The following RPL7L1 variants were observed in gnomAD, a reference collection of about 807,000 sequenced individuals.
RPL7L1 encodes ribosomal protein uL30-like.
Under a neutral mutation model 30.3 loss-of-function variants are expected in RPL7L1, and 20 were observed. The ratio of observed to expected loss-of-function variants is 0.66; its 90% CI spans 0.46 to 0.96. RPL7L1 has a LOEUF of 0.96. Ranked by LOEUF, RPL7L1 falls within the 40% of genes least tolerant of loss-of-function variation. The probability of loss-of-function intolerance (pLI) is 0.00; values close to 1 mark genes in which losing one functional copy is unlikely to be tolerated. For synonymous variants in RPL7L1, 107 were observed against 110.1 expected, an observed-to-expected ratio of 0.97 and a Z score of 0.18; for missense variants, 271 against 314.9, an observed-to-expected ratio of 0.86 and a Z score of 1.05.
chr6:42,885,943 G>A (rs753520976), intron 4 of RPL7L1, 31 bp from the exon 5 acceptor site: 11 of 1,246,896 alleles, frequency 8.8e-6, no homozygotes, highest in Admixed American at 3.4e-5. Context: ...GCCAGGTGCT[G>A]GTGAAAACCG....
In RPL7L1 at chr6:42,886,097, C is replaced by T. The variant is rs755144366; in HGVS notation, c.559+14C>T. 6.7e-7 allele frequency: 1 copy of T among 1,483,998 alleles called. No individual in the cohort carries two copies. The highest frequency in any genetic ancestry group is 1.7e-5 in the Admixed American group (1 of 59,802). 91.9% of individuals were successfully genotyped at this position (1,483,998 alleles called of 1,614,324 possible). Reference sequence around the variant, plus strand: ...AGGAGCACCTGGGTGAGTGCTACAGCTTAGGGATCAGCTGGGGCAGAAAGC... The same window carrying T: ...AGGAGCACCTGGGTGAGTGCTACAGTTTAGGGATCAGCTGGGGCAGAAAGC... On this transcript the variant is annotated intron_variant, in intron 5 of 5. Transcript: ENST00000493763.
rs1766221983 is a variant in RPL7L1 at position 42,885,324 on chromosome 6, T to G, written c.449+574T>G. ...GAGATTGTGCCACTGCAATCCACTC[T>G]GTCTCAAAAAAAAAAAAAAAGGCCA... On this transcript the variant is annotated intron_variant, in intron 4 of 5. Coordinates refer to ENST00000493763, the MANE Select transcript of RPL7L1 (RefSeq NM_001366481.3). Among the ~76,000 whole-genome samples, 3 of 92,826 alleles carry G rather than the reference T, an allele frequency of 3.2e-5. 1 individual carries two copies. The Admixed American group carries it at 3.9e-4, about 12-fold the overall frequency. The allele number at this position is 92,826 out of a possible 152,430, so 60.9% of individuals were successfully genotyped here. A position where few individuals can be genotyped will look rare whatever the true frequency, so the allele number is the denominator to read the frequency against.
In RPL7L1 at chr6:42,883,615, G is replaced by A; in HGVS notation, c.311+1G>A. On this transcript the variant is annotated splice_donor_variant, in intron 3 of 5. Coordinates refer to ENST00000493763, the MANE Select transcript of RPL7L1 (RefSeq NM_001366481.3). LOFTEE classifies it high-confidence loss of function. ...TGGCCTTTGTTGTACGCATCGAAAG[G>A]TAAGGAACTGGTGTCTTTCTAATTG... is the stretch of plus-strand genomic sequence containing the variant. 1 of 1,585,300 alleles carries A rather than the reference G, an allele frequency of 6.3e-7. No homozygotes were observed. The highest frequency in any genetic ancestry group is 8.6e-7 in the Non-Finnish European group (1 of 1,168,052).
intron 1 of RPL7L1, among the ~76,000 whole-genome samples, chr6:42,880,281 G>A (rs2114075130): frequency 6.6e-6 from 1 of 152,242 alleles, no homozygotes; most frequent in African/African-American, 2.4e-5. Flanking sequence ...TGCCTATGAA[G>A]AACTGTGGCC....
chr6:42,885,915 A>C (rs1766248100), intron 4 of RPL7L1, 59 bp from the exon 5 acceptor site: 1 of 899,238 alleles, frequency 1.1e-6, no homozygotes, highest in Admixed American at 1.7e-5. Flanking sequence ...GCCAGGCTGC[A>C]GGACTGGTAT....
chr6:42,885,191 A>C (rs571984780), intron 4 of RPL7L1, among the ~76,000 whole-genome samples: 1 of 151,970 alleles, frequency 6.6e-6, no homozygotes, highest in Non-Finnish European at 1.5e-5. Context: ...CTACTAAAAT[A>C]CAAAAAAAAT....
At chr6:42,884,996 G>A (rs1766209117) in intron 4 of RPL7L1, among the ~76,000 whole-genome samples, 1 of 152,184 alleles carries the variant, frequency 6.6e-6, no homozygotes, top group African/African-American at 2.4e-5. Flanking sequence ...CTTGGTTCTT[G>A]AAAGTCTTAA....
chr6:42,885,922 G>A, intron 4 of RPL7L1, 52 bp from the exon 5 acceptor site: 1 of 952,224 alleles, frequency 1.1e-6, no homozygotes, highest in East Asian at 2.4e-5. Flanking sequence ...TGCAGGACTG[G>A]TATGTAGTGT....
chr6:42,886,766 C>T lies in RPL7L1; in HGVS notation c.*302C>T, dbSNP rs1445472640. Reference sequence around the variant, plus strand: ...ATCCCAGCACTTTGGGAGGCCAAGGCGGGCAGACCATGAGGTCAGGAGATT... The same window carrying T: ...ATCCCAGCACTTTGGGAGGCCAAGGTGGGCAGACCATGAGGTCAGGAGATT... On this transcript the variant is annotated 3_prime_UTR_variant, in exon 6 of 6. Transcript: ENST00000493763. The T allele has an allele frequency of 2.4e-5, 7 of 287,500 alleles. No homozygotes were observed. Among genetic ancestry groups the T allele is most frequent in the Non-Finnish European group, 4.1e-5 (6 of 146,502 alleles). The allele number at this position is 287,500 out of a possible 1,614,324, so 17.8% of individuals were successfully genotyped here.
rs1178519506 is a variant in RPL7L1 at position 42,879,957 on chromosome 6, T to C, written c.41+6T>C. 4.3e-6 allele frequency: 7 copies of C among 1,613,760 alleles called. No individual in the cohort carries two copies. The highest frequency in any genetic ancestry group is 3.3e-5 in the Admixed American group (2 of 59,958). On this transcript the variant is annotated splice_donor_region_variant and intron_variant, in intron 1 of 5. Transcript: ENST00000493763. Reference sequence around the variant, plus strand: ...AGAAAGATGGCGGAGCAAGAGTGAGTGTTTGGGGCTTTGAATATCTGGAGT... The same window carrying C: ...AGAAAGATGGCGGAGCAAGAGTGAGCGTTTGGGGCTTTGAATATCTGGAGT...
At chr6:42,885,378 C>T (rs539235286) in intron 4 of RPL7L1, among the ~76,000 whole-genome samples, 26 of 147,638 alleles carry the variant, frequency 1.8e-4, no homozygotes, top group Non-Finnish European at 2.2e-4. Flanking sequence ...GTCGGGAGAT[C>T]GAGACCATCC....
chr6:42,885,161 A>T (rs2114085305), intron 4 of RPL7L1, among the ~76,000 whole-genome samples: 1 of 152,286 alleles, frequency 6.6e-6, no homozygotes, highest in East Asian at 1.9e-4. Context: ...ATCCTGGCCA[A>T]CATGGTGAAA....
intron 2 of RPL7L1, chr6:42,881,270 C>T (rs1382831489): frequency 5.5e-6 from 1 of 181,912 alleles, no homozygotes; most frequent in African/African-American, 2.4e-5. Flanking sequence ...TCGAGACCAT[C>T]CTGGCTAACA....
Position 42,879,693 on chromosome 6 carries a change from G to A in RPL7L1, c.-218G>A, listed in dbSNP as rs1765996150. Reference sequence around the variant, plus strand: ...CAGCCAGGCCGCTTGTGATGAAACTGTAACTTACAAGAAAAGGGCTGGGTT... The same window carrying A: ...CAGCCAGGCCGCTTGTGATGAAACTATAACTTACAAGAAAAGGGCTGGGTT... On this transcript the variant is annotated 5_prime_UTR_variant, in exon 1 of 6. Coordinates refer to ENST00000493763, the MANE Select transcript of RPL7L1 (RefSeq NM_001366481.3). 3 of 519,070 alleles carry A rather than the reference G, an allele frequency of 5.8e-6. No individual in the cohort carries two copies. Among genetic ancestry groups the A allele is most frequent in the Non-Finnish European group, 1.1e-5 (3 of 284,498 alleles). 32.2% of individuals were successfully genotyped at this position (519,070 alleles called of 1,614,324 possible). A position where few individuals can be genotyped will look rare whatever the true frequency, so the allele number is the denominator to read the frequency against.
At chr6:42,886,232 A>G in intron 5 of RPL7L1, 24 bp from the exon 6 acceptor site, 1 of 1,593,478 alleles carries the variant, frequency 6.3e-7, no homozygotes, top group East Asian at 2.2e-5. Flanking sequence ...TAAATAAAGG[A>G]ATCTGTGCTT....
intron 1 of RPL7L1, 106 bp downstream of exon 1, chr6:42,880,057 A>AAAGGCCACAGTTTACAAAGGGTGGGGGT: frequency 8.7e-7 from 1 of 1,147,080 alleles, no homozygotes; most frequent in Non-Finnish European, 1.3e-6. Flanking sequence ...TAGGAATAGA[A>AAAGGCCACAGTTTACAAAGGGTGGGGGT]AAGGCCACAG....
rs1472693439 is a variant in RPL7L1 at position 42,879,948 on chromosome 6, A to G, written c.38A>G (p.Gln13Arg). The change falls in exon 1 of 6, where the codon CAA becomes CGA. Residue 13 changes from glutamine to arginine, a missense_variant. Coordinates refer to ENST00000493763, the MANE Select transcript of RPL7L1 (RefSeq NM_001366481.3). ...SSCTTRKMAEQEQRKIPLVPE... is the reference protein window; with the variant it reads ...SSCTTRKMAEREQRKIPLVPE... ...TGCACCACTAGAAAGATGGCGGAGCAAGAGTGAGTGTTTGGGGCTTTGAAT... is the reference window on the plus strand; with the variant it reads ...TGCACCACTAGAAAGATGGCGGAGCGAGAGTGAGTGTTTGGGGCTTTGAAT... The G allele has an allele frequency of 6.2e-7, 1 of 1,614,080 alleles. No homozygotes were observed. Among genetic ancestry groups the G allele is most frequent in the Non-Finnish European group, 8.5e-7 (1 of 1,179,946 alleles).
At position 42,889,660 on chromosome 6, in the gene RPL7L1, T is replaced by C. The variant is rs1340693275; in HGVS notation, c.*3196T>C. The C allele has an allele frequency of 6.6e-6, 1 of 152,426 alleles. No homozygotes were observed. The highest frequency in any genetic ancestry group is 1.5e-5 in the Non-Finnish European group (1 of 68,042). 9.4% of individuals were successfully genotyped at this position (152,426 alleles called of 1,614,324 possible). ...TCCCAGCTCTGTCTTACACTAAATA[T>C]GGGTACAGTGTTTCCACTCTGTCCA... On this transcript the variant is annotated 3_prime_UTR_variant, in exon 6 of 6. Transcript: ENST00000493763.
intron 4 of RPL7L1, 61 bp downstream of exon 4, chr6:42,884,811 C>T (rs376142354): frequency 6.6e-7 from 1 of 1,509,754 alleles, no homozygotes; most frequent in Admixed American, 1.8e-5. Flanking sequence ...TCAGGGTGCA[C>T]CGGGTATTGC....
Sources: allele counts gnomAD v4.1 joint callset (sites outside exome capture counted in the v4.1 genomes callset), GRCh38; gene constraint gnomAD v4.1.1; transcripts MANE v1.5; gene names NCBI Gene and HGNC (gene_info 2026-07-23, HGNC 2026-07-21).